The following MAD1L1 variants were observed in gnomAD, a reference collection of about 807,000 sequenced individuals.
The protein encoded by MAD1L1 is mitotic spindle assembly checkpoint protein MAD1.
In MAD1L1, 95 loss-of-function variants were observed where a neutral mutation model predicts 96.9. That is an observed-to-expected ratio of 0.98 (90% CI 0.83 to 1.16). MAD1L1 has a LOEUF of 1.16. MAD1L1 is among the 50% of genes most tolerant of loss of function. MAD1L1 has a pLI of 0.00. For synonymous variants in MAD1L1, 473 were observed against 396.6 expected, an observed-to-expected ratio of 1.19 and a Z score of -2.29; for missense variants, 1,007 against 954.4, an observed-to-expected ratio of 1.06 and a Z score of -0.73.
chr7:2,219,670 G>A (rs1251372716), intron 5 of MAD1L1, among the ~76,000 whole-genome samples: 1 of 145,210 alleles, frequency 6.9e-6, no homozygotes, highest in Non-Finnish European at 1.5e-5. Flanking sequence ...AAGGGGGCAA[G>A]GGGGGCAGAG....
At chr7:2,082,557 G>C (rs546896359) in intron 11 of MAD1L1, among the ~76,000 whole-genome samples, 24 of 152,362 alleles carry the variant, frequency 1.6e-4, no homozygotes, top group Admixed American at 9.1e-4. Flanking sequence ...GTGTGGGAGT[G>C]CAGCACTCTA....
intron 3 of MAD1L1, among the ~76,000 whole-genome samples, chr7:2,227,980 T>C (rs1289856165): frequency 6.6e-6 from 1 of 152,096 alleles, no homozygotes; most frequent in Non-Finnish European, 1.5e-5. Context: ...TCCCCCGGCC[T>C]GCCATGTTCT....
intron 11 of MAD1L1, among the ~76,000 whole-genome samples, chr7:2,118,121 C>G (rs958235280): frequency 1.3e-5 from 2 of 152,170 alleles, no homozygotes; most frequent in Non-Finnish European, 2.9e-5. Flanking sequence ...CCCTGTGCAC[C>G]CGACACTCAT....
At chr7:2,097,403 G>C (rs575961023) in intron 11 of MAD1L1, among the ~76,000 whole-genome samples, 1 of 152,298 alleles carries the variant, frequency 6.6e-6, no homozygotes, top group East Asian at 1.9e-4. Flanking sequence ...GTGGGGGCCA[G>C]AGCCGGGACA....
Position 2,222,687 on chromosome 7 carries a change from GC to G in MAD1L1, c.358del (p.Ala120ArgfsTer43), listed in dbSNP as rs1473332264. The G allele has an allele frequency of 1.2e-6, 2 of 1,612,042 alleles. No individual in the cohort carries two copies. Among genetic ancestry groups the G allele is most frequent in the African/African-American group, 1.3e-5 (1 of 74,888 alleles). On this transcript the variant is annotated frameshift_variant, in exon 5 of 19. Transcript: ENST00000265854. LOFTEE classifies it high-confidence loss of function. ...CAGCTGCTCCTGCATCTTCTCCTCC[GC>G]CCCGGCCTCCCGCTCCTGAAGCTGC... ...IRQLQEREAG[A>X]EEKMQEQLER...
chr7:1,966,173 G>A (rs1309004676), intron 15 of MAD1L1, among the ~76,000 whole-genome samples: 5 of 152,256 alleles, frequency 3.3e-5, no homozygotes, highest in Admixed American at 2.0e-4. Flanking sequence ...GATGGGAACC[G>A]CGCCCCACAG....
At chr7:1,822,959 C>T (rs1303493188) in intron 18 of MAD1L1, among the ~76,000 whole-genome samples, 1 of 152,014 alleles carries the variant, frequency 6.6e-6, no homozygotes, top group Non-Finnish European at 1.5e-5. Flanking sequence ...GACCCACAGA[C>T]GCGTCCAGGC....
In MAD1L1 at chr7:2,032,044, G is replaced by A. The variant is rs73672016; in HGVS notation, c.1219-17402C>T. On this transcript the variant is annotated intron_variant, in intron 12 of 18. Transcript: ENST00000265854. ...AGTCTAGGTGGCTTTCTCCACCGAC[G>A]GGTAACAGGCAGGCAGCCAGTGCCC... 2.0e-3 allele frequency among the ~76,000 whole-genome samples: 310 copies of A among 152,322 alleles called. 3 individuals are homozygous for A. Among genetic ancestry groups the A allele is most frequent in the African/African-American group, 6.9e-3 (288 of 41,570 alleles).
At chr7:1,869,701 T>G (rs1170616402) in intron 18 of MAD1L1, among the ~76,000 whole-genome samples, 1 of 152,208 alleles carries the variant, frequency 6.6e-6, no homozygotes, top group Non-Finnish European at 1.5e-5. Flanking sequence ...CAATCAGCAC[T>G]GTCACACTAG....
chr7:2,220,494 T>C (rs1793541516), intron 5 of MAD1L1, among the ~76,000 whole-genome samples: 1 of 152,096 alleles, frequency 6.6e-6, no homozygotes, highest in South Asian at 2.1e-4. Context: ...TCACTGTAAG[T>C]TAACACACGG....
intron 17 of MAD1L1, among the ~76,000 whole-genome samples, chr7:1,923,496 C>A (rs1357856755): frequency 1.3e-5 from 2 of 152,260 alleles, no homozygotes; most frequent in Admixed American, 6.5e-5. Flanking sequence ...GCCGGGCAAC[C>A]CCGCGCTCTT....
At position 1,968,093 on chromosome 7, in the gene MAD1L1, T is replaced by G. The variant is rs1194796305; in HGVS notation, c.1506-10374A>C. Among the ~76,000 whole-genome samples the G allele has an allele frequency of 1.3e-5, 2 of 152,186 alleles. No homozygotes were observed. The highest frequency in any genetic ancestry group is 2.9e-5 in the Non-Finnish European group (2 of 68,034). On this transcript the variant is annotated intron_variant, in intron 15 of 18. Coordinates refer to ENST00000265854, the MANE Select transcript of MAD1L1 (RefSeq NM_001013836.2). The surrounding 1 kb of genome is among the most constrained non-coding windows in gnomAD (Gnocchi z 5.6). ...ACATCATACATGTAGAACTCATCCCTCCAGAGGGGGAGCGTCGCCTGTGCC... is the reference window on the plus strand; with the variant it reads ...ACATCATACATGTAGAACTCATCCCGCCAGAGGGGGAGCGTCGCCTGTGCC...
chr7:1,928,417 C>T (rs768643977), intron 17 of MAD1L1, among the ~76,000 whole-genome samples: 1 of 151,796 alleles, frequency 6.6e-6, no homozygotes, highest in Non-Finnish European at 1.5e-5. Context: ...AGAATTGCCA[C>T]ACTTGACACT....
chr7:2,009,016 G>A (rs982869723), intron 13 of MAD1L1, among the ~76,000 whole-genome samples: 5 of 152,164 alleles, frequency 3.3e-5, no homozygotes, highest in South Asian at 2.1e-4. Flanking sequence ...GGCCCCCAGC[G>A]CAGCCACGCC....
chr7:1,915,342 G>A (rs981082944), intron 17 of MAD1L1, among the ~76,000 whole-genome samples: 6 of 152,300 alleles, frequency 3.9e-5, no homozygotes, highest in East Asian at 3.9e-4. Context: ...GCTGCGGTCC[G>A]AAAAGGCGTC....
At chr7:2,166,440 T>C (rs1790431115) in intron 10 of MAD1L1, among the ~76,000 whole-genome samples, 1 of 152,148 alleles carries the variant, frequency 6.6e-6, no homozygotes. Context: ...TGCCAGAACA[T>C]TCCTGATTAA....
chr7:2,033,155 C>T (rs1783308164), intron 12 of MAD1L1, among the ~76,000 whole-genome samples: 1 of 152,242 alleles, frequency 6.6e-6, no homozygotes, highest in Non-Finnish European at 1.5e-5. Flanking sequence ...GCACCACGTG[C>T]CAGGCCCTGT....
chr7:1,824,552 C>T (rs546966145), intron 18 of MAD1L1, among the ~76,000 whole-genome samples: 3 of 152,134 alleles, frequency 2.0e-5, no homozygotes, highest in African/African-American at 7.2e-5. Context: ...GAGCTGCTCC[C>T]GGCCTTGTCC....
chr7:1,976,710 T>C (rs1461627524), intron 15 of MAD1L1, among the ~76,000 whole-genome samples: 1 of 152,234 alleles, frequency 6.6e-6, no homozygotes, highest in Non-Finnish European at 1.5e-5. Context: ...AGCTGATTGG[T>C]CTGTTTTGAC....
Sources: allele counts gnomAD v4.1 joint callset (sites outside exome capture counted in the v4.1 genomes callset), GRCh38; gene constraint gnomAD v4.1.1; non-coding constraint Gnocchi (gnomAD v3.1); transcripts MANE v1.5; gene names NCBI Gene and HGNC (gene_info 2026-07-23, HGNC 2026-07-21).